TSHZ2: variants seen among roughly 807,000 people sequenced by gnomAD.
The protein encoded by TSHZ2 is teashirt zinc finger homeobox 2.
TSHZ2 carries 21 observed loss-of-function variants against 74.4 expected under a neutral mutation model. That is an observed-to-expected ratio of 0.28 (90% CI 0.20 to 0.41). TSHZ2 has a LOEUF of 0.41. TSHZ2 is among the 10% of genes least tolerant of loss of function. The probability of loss-of-function intolerance (pLI) is 1.00; values close to 1 mark genes in which losing one functional copy is unlikely to be tolerated. For missense variants in TSHZ2, 1,244 were observed against 1,293.5 expected, an observed-to-expected ratio of 0.96 and a Z score of 0.59; for synonymous variants, 540 against 515.3, an observed-to-expected ratio of 1.05 and a Z score of -0.65.
At chr20:53,369,983 T>A (rs1981409357) in intron 2 of TSHZ2, among the ~76,000 whole-genome samples, 1 of 152,146 alleles carries the variant, frequency 6.6e-6, no homozygotes, top group Admixed American at 6.6e-5. Flanking sequence ...TCCTTGAAAT[T>A]TTTTTTAATC....
intron 2 of TSHZ2, among the ~76,000 whole-genome samples, chr20:53,475,757 A>G (rs1404980123): frequency 4.3e-5 from 6 of 141,018 alleles, no homozygotes; most frequent in African/African-American, 1.4e-4. Flanking sequence ...TTGATAGACC[A>G]CTAGCAAGAC....
chr20:53,067,022 C>A (rs970777107), intron 1 of TSHZ2, among the ~76,000 whole-genome samples: 2 of 152,170 alleles, frequency 1.3e-5, no homozygotes, highest in Non-Finnish European at 2.9e-5. Flanking sequence ...GAACATTACC[C>A]AGAAAGGTAG....
At chr20:53,224,468 A>T (rs182929521) in intron 1 of TSHZ2, among the ~76,000 whole-genome samples, 1 of 152,336 alleles carries the variant, frequency 6.6e-6, no homozygotes, top group East Asian at 1.9e-4. Flanking sequence ...TGAGAATAAG[A>T]ACAGAACTGT....
intron 2 of TSHZ2, among the ~76,000 whole-genome samples, chr20:53,440,222 C>T (rs990179922): frequency 1.3e-5 from 2 of 151,894 alleles, no homozygotes; most frequent in African/African-American, 2.4e-5. Flanking sequence ...AAAGGAGAAG[C>T]GAGTTTGGTG....
At chr20:53,344,155 T>A (rs999597149) in intron 2 of TSHZ2, among the ~76,000 whole-genome samples, 3 of 152,146 alleles carry the variant, frequency 2.0e-5, no homozygotes, top group Non-Finnish European at 2.9e-5. Flanking sequence ...CCTCCAAGCT[T>A]CCAGGTACTT....
chr20:53,301,682 A>T (rs976323182), intron 2 of TSHZ2, among the ~76,000 whole-genome samples: 5 of 152,198 alleles, frequency 3.3e-5, no homozygotes, highest in African/African-American at 1.2e-4. Flanking sequence ...TGTTCAGTAG[A>T]TACCCTCTTC....
intron 2 of TSHZ2, among the ~76,000 whole-genome samples, chr20:53,284,606 CCT>C (rs1429657998): frequency 1.3e-5 from 2 of 152,142 alleles, no homozygotes; most frequent in African/African-American, 4.8e-5. Flanking sequence ...TTTGTTTCCC[CCT>C]GTGGCCCCGA....
chr20:53,266,858 A>T (rs1445495430), intron 2 of TSHZ2, among the ~76,000 whole-genome samples: 2 of 148,056 alleles, frequency 1.4e-5, no homozygotes. Flanking sequence ...GCTCACTGCA[A>T]CCTTCACCTC....
At chr20:53,124,090 C>T (rs1986883886) in intron 1 of TSHZ2, among the ~76,000 whole-genome samples, 1 of 152,212 alleles carries the variant, frequency 6.6e-6, no homozygotes, top group South Asian at 2.1e-4. Context: ...GGGAAGACAA[C>T]TCCCTTTTAG....
At chr20:53,401,992 C>T (rs1173211078) in intron 2 of TSHZ2, among the ~76,000 whole-genome samples, 3 of 152,004 alleles carry the variant, frequency 2.0e-5, no homozygotes, top group Non-Finnish European at 4.4e-5. Context: ...ATCGTGTTAA[C>T]CAGGATGGTC....
chr20:53,044,350 G>A (rs1984150621), intron 1 of TSHZ2, among the ~76,000 whole-genome samples: 1 of 152,204 alleles, frequency 6.6e-6, no homozygotes, highest in Non-Finnish European at 1.5e-5. Flanking sequence ...CGTAGCCATG[G>A]TGTGTTGGGT....
intron 2 of TSHZ2, among the ~76,000 whole-genome samples, chr20:53,272,478 A>T (rs1990860086): frequency 6.6e-6 from 1 of 152,196 alleles, no homozygotes; most frequent in African/African-American, 2.4e-5. Context: ...GAGAAGAGAG[A>T]GGGAGAAAGG....
At chr20:53,116,125 A>G (rs1363663806) in intron 1 of TSHZ2, among the ~76,000 whole-genome samples, 1 of 152,208 alleles carries the variant, frequency 6.6e-6, no homozygotes, top group African/African-American at 2.4e-5. Flanking sequence ...AATGGAGATA[A>G]TCTTTAATGG....
intron 2 of TSHZ2, among the ~76,000 whole-genome samples, chr20:53,268,730 G>C (rs6068496): frequency 0.21 from 31,280 of 152,078 alleles, 3,503 homozygotes; most frequent in African/African-American, 0.28. Context: ...ACAAACAATA[G>C]TCCCTTCTTC....
At chr20:53,465,610 G>A (rs1428299458) in intron 2 of TSHZ2, among the ~76,000 whole-genome samples, 1 of 152,072 alleles carries the variant, frequency 6.6e-6, no homozygotes, top group African/African-American at 2.4e-5. Context: ...GTACATTGGT[G>A]ACAGAAACCT....
chr20:53,323,563 C>CT (rs34687825), intron 2 of TSHZ2, among the ~76,000 whole-genome samples: 1,984 of 36,570 alleles, frequency 0.054, 782 homozygotes, highest in East Asian at 0.13. Context: ...CCTTGGAGGG[C>CT]TTTTTTTTTT....
At chr20:53,465,431 C>G (rs560991999) in intron 2 of TSHZ2, among the ~76,000 whole-genome samples, 4 of 151,920 alleles carry the variant, frequency 2.6e-5, no homozygotes, top group Non-Finnish European at 5.9e-5. Flanking sequence ...CCACCACACC[C>G]GACTAATTTT....
At chr20:53,157,264 G>A (rs982263373) in intron 1 of TSHZ2, among the ~76,000 whole-genome samples, 2 of 124,338 alleles carry the variant, frequency 1.6e-5, no homozygotes, top group Non-Finnish European at 3.2e-5. Context: ...CTCTGATTGT[G>A]TTTAAGGATT....
chr20:53,357,183 T>A (rs1427387896), intron 2 of TSHZ2, among the ~76,000 whole-genome samples: 1 of 152,248 alleles, frequency 6.6e-6, no homozygotes, highest in African/African-American at 2.4e-5. Context: ...ATAGGAGAAC[T>A]TTTAATAATC....
Sources: gnomAD v4.1 joint callset for allele counts (sites outside exome capture counted in the v4.1 genomes callset) on GRCh38, gnomAD v4.1.1 for gene constraint, MANE v1.5 for transcripts, NCBI Gene and HGNC (gene_info 2026-07-23, HGNC 2026-07-21) for gene names.